EDDM13: variants seen among roughly 807,000 people sequenced by gnomAD.
EDDM13 encodes the protein epididymal protein 13.
Under a neutral mutation model 17.8 loss-of-function variants are expected in EDDM13, and 24 were observed. The observed-to-expected ratio is 1.35, with a 90% confidence interval of 0.98 to 1.90. The LOEUF is 1.90. Ranked by LOEUF, EDDM13 falls within the 40% of genes most tolerant of loss-of-function variation. EDDM13 has a pLI of 0.00. For missense variants in EDDM13, 97 were observed against 100.8 expected (o/e 0.96, Z 0.16); for synonymous variants, 31 against 37.5 (o/e 0.83, Z 0.63).
chr19:56,297,341 CTT>C (rs750529261), intron 11 of EDDM13, among the ~76,000 whole-genome samples, 162 bp from the exon 12 acceptor site: 2 of 152,000 alleles, frequency 1.3e-5, no homozygotes, highest in Non-Finnish European at 2.9e-5. Flanking sequence ...GGTTTCTTTT[CTT>C]TTCCTTTCTT....
intron 12 of EDDM13, among the ~76,000 whole-genome samples, chr19:56,298,600 C>G (rs2040031833): frequency 6.6e-6 from 1 of 151,072 alleles, no homozygotes; most frequent in East Asian, 1.9e-4. Flanking sequence ...CTGCAGTGAG[C>G]TGAGATCGTG....
At chr19:56,301,265 C>T (rs1478258078) in intron 12 of EDDM13, among the ~76,000 whole-genome samples, 1 of 152,158 alleles carries the variant, frequency 6.6e-6, no homozygotes, top group Non-Finnish European at 1.5e-5. Context: ...ATATGATAAA[C>T]AAGGGGTGGA....
At position 56,288,146 on chromosome 19, in the gene EDDM13, G is replaced by T. The variant is rs2039262975; in HGVS notation, c.155-239G>T. On this transcript the variant is annotated intron_variant, in intron 6 of 14. Coordinates refer to ENST00000649256, the MANE Select transcript of EDDM13 (RefSeq NM_001354658.2). Reference sequence around the variant, plus strand: ...GGTGTCCGCTGTTCTTAGGATGAAGGCTGAGGCCCTTAAGCTGACCCACAG... The same window carrying T: ...GGTGTCCGCTGTTCTTAGGATGAAGTCTGAGGCCCTTAAGCTGACCCACAG... 2.0e-5 allele frequency among the ~76,000 whole-genome samples: 3 copies of T among 152,244 alleles called. No homozygotes were observed. The South Asian group carries it at 6.2e-4, about 32-fold the overall frequency.
intron 13 of EDDM13, among the ~76,000 whole-genome samples, 173 bp from the exon 14 acceptor site, chr19:56,304,620 G>A (rs570378766): frequency 2.0e-5 from 3 of 152,066 alleles, no homozygotes; most frequent in Admixed American, 6.5e-5. Context: ...GGTGAGAGGC[G>A]GGCTGAATAG....
intron 13 of EDDM13, among the ~76,000 whole-genome samples, chr19:56,304,067 T>C (rs73618167): frequency 0.027 from 4,089 of 152,154 alleles, 188 homozygotes; most frequent in African/African-American, 0.092. Flanking sequence ...CAAGATCCCT[T>C]CTGAGTTATC....
chr19:56,302,585 T>TTCTTCCTCCCCCTC (rs2040385399), intron 13 of EDDM13, among the ~76,000 whole-genome samples: 2 of 43,750 alleles, frequency 4.6e-5, no homozygotes, highest in South Asian at 2.3e-3. Flanking sequence ...TCCTCCCCCT[T>TTCTTCCTCCCCCTC]TTCTTCCTCT....
intron 9 of EDDM13, among the ~76,000 whole-genome samples, chr19:56,292,951 T>A (rs754709643): frequency 2.6e-5 from 4 of 152,258 alleles, no homozygotes; most frequent in African/African-American, 7.2e-5. Flanking sequence ...CTGCATTTTT[T>A]AATCCAATCA....
At chr19:56,302,505 C>T (rs2040330010) in intron 13 of EDDM13, among the ~76,000 whole-genome samples, 1 of 55,402 alleles carries the variant, frequency 1.8e-5, no homozygotes, top group Non-Finnish European at 4.1e-5. Flanking sequence ...CCCTCTCTGC[C>T]CTTCTTTCCT....
intron 13 of EDDM13, among the ~76,000 whole-genome samples, chr19:56,302,469 C>T (rs1330239258): frequency 6.8e-6 from 1 of 146,534 alleles, no homozygotes; most frequent in Non-Finnish European, 1.5e-5. Context: ...TGCTTCCTCC[C>T]TCCCTTCTTC....
At chr19:56,277,788 T>C (rs967908428) in intron 2 of EDDM13, among the ~76,000 whole-genome samples, 1 of 152,152 alleles carries the variant, frequency 6.6e-6, no homozygotes, top group Non-Finnish European at 1.5e-5. Flanking sequence ...GGATGAAAAC[T>C]ACCTTTTGGG....
At chr19:56,302,583 CTTT>C (rs1236103869) in intron 13 of EDDM13, among the ~76,000 whole-genome samples, 18 of 59,262 alleles carry the variant, frequency 3.0e-4, no homozygotes, top group African/African-American at 2.3e-3. Flanking sequence ...CTTCCTCCCC[CTTT>C]TCTTCCTCTC....
Position 56,302,070 on chromosome 19 carries a change from T to TC in EDDM13, c.399dup (p.Val134ArgfsTer15). 8.1e-7 allele frequency: 1 copy of TC among 1,231,774 alleles called. No homozygotes were observed. Among genetic ancestry groups the TC allele is most frequent in the East Asian group, 3.2e-5 (1 of 31,680 alleles). 76.3% of individuals were successfully genotyped at this position (1,231,774 alleles called of 1,614,324 possible). ...GCCTACATGGTGATGACCTACCTCT[T>TC]CGTATCCTACAACAAAGGGGACTGG... On this transcript the variant is annotated frameshift_variant, in exon 13 of 15. Transcript: ENST00000649256. LOFTEE classifies it high-confidence loss of function.
chr19:56,287,407 T>G (rs2039206304), intron 6 of EDDM13, among the ~76,000 whole-genome samples: 1 of 152,072 alleles, frequency 6.6e-6, no homozygotes, highest in Admixed American at 6.6e-5. Flanking sequence ...CCTTCCCGCC[T>G]CTCCTCCCTC....
intron 13 of EDDM13, among the ~76,000 whole-genome samples, chr19:56,302,542 C>CCTCCCTCCCCCCTT (rs2040352287): frequency 1.7e-5 from 1 of 60,014 alleles, no homozygotes. Context: ...CTTCTTCCTC[C>CCTCCCTCCCCCCTT]CCGTTCCTCC....
chr19:56,308,179 G>A (rs1279306390), intron 14 of EDDM13, among the ~76,000 whole-genome samples: 2 of 148,850 alleles, frequency 1.3e-5, no homozygotes, highest in Non-Finnish European at 3.0e-5. Context: ...GACTACAGGC[G>A]AGTGCCACCA....
chr19:56,303,617 T>C (rs1170231477), intron 13 of EDDM13, among the ~76,000 whole-genome samples: 1 of 151,726 alleles, frequency 6.6e-6, no homozygotes, highest in Non-Finnish European at 1.5e-5. Context: ...TATTCACGTG[T>C]GTAGAGGACC....
intron 1 of EDDM13, among the ~76,000 whole-genome samples, chr19:56,274,291 T>A (rs1164430383): frequency 2.6e-5 from 4 of 151,874 alleles, no homozygotes; most frequent in African/African-American, 9.7e-5. Flanking sequence ...CCATCTCTAC[T>A]AAAAATACAA....
chr19:56,293,236 CAA>C (rs1444404581), intron 9 of EDDM13, among the ~76,000 whole-genome samples: 1 of 152,154 alleles, frequency 6.6e-6, no homozygotes, highest in Non-Finnish European at 1.5e-5. Flanking sequence ...TGACAGTCCC[CAA>C]GTCATCGTCC....
At chr19:56,301,470 C>CT (rs982310211) in intron 12 of EDDM13, among the ~76,000 whole-genome samples, 2 of 152,174 alleles carry the variant, frequency 1.3e-5, no homozygotes, top group African/African-American at 4.8e-5. Context: ...CCAGAGGTCA[C>CT]TTGAATCGCT....
Sources: allele counts gnomAD v4.1 joint callset (sites outside exome capture counted in the v4.1 genomes callset), GRCh38; gene constraint gnomAD v4.1.1; transcripts MANE v1.5; gene names NCBI Gene and HGNC (gene_info 2026-07-23, HGNC 2026-07-21).